The following FAM184A variants were observed in gnomAD, a reference collection of about 807,000 sequenced individuals.
The protein encoded by FAM184A is family with sequence similarity 184 member A, also known as protein FAM184A.
In FAM184A, 99 loss-of-function variants were observed where a neutral mutation model predicts 143.8. The observed-to-expected ratio is 0.69, with a 90% CI of 0.58 to 0.81. The LOEUF (loss-of-function observed/expected upper bound fraction) is 0.81, where lower values mean the gene tolerates loss of function less well. Ranked by LOEUF, FAM184A falls within the 40% of genes least tolerant of loss-of-function variation. The pLI is 0.00. For synonymous variants in FAM184A, 427 were observed against 446.4 expected (o/e 0.96, Z 0.55); for missense variants, 1,217 against 1,310.5 (o/e 0.93, Z 1.10).
In FAM184A at chr6:119,002,944, T is replaced by G. The variant is rs749994817; in HGVS notation, c.2043A>C (p.Ala681=). The G allele has an allele frequency of 3.7e-6, 6 of 1,612,714 alleles. No homozygotes were observed. In the East Asian group the frequency reaches 1.3e-4, roughly 36 times the overall value. The change falls in exon 9 of 18, where the codon GCA becomes GCC. Residue 681 remains alanine (A), a synonymous_variant. Transcript: ENST00000338891. The part of the protein sequence containing the change: ...LLQLKDREKN[A]ARDSWQKKVE... ...CTTTCTTCTGCCATGAATCTCTTGCTGCATTTTTCTCTCGATCTTTCAACT... is the reference window on the plus strand; with the variant it reads ...CTTTCTTCTGCCATGAATCTCTTGCGGCATTTTTCTCTCGATCTTTCAACT...
At chr6:118,970,008 A>ATATATATATTTTTTTTTTTTT in intron 14 of FAM184A, among the ~76,000 whole-genome samples, 1 of 19,046 alleles carries the variant, frequency 5.3e-5, no homozygotes. Context: ...ATATATATAT[A>ATATATATATTTTTTTTTTTTT]TTTTTTTTTT....
intron 1 of FAM184A, among the ~76,000 whole-genome samples, chr6:119,128,578 G>A (rs955977585): frequency 6.6e-5 from 10 of 152,124 alleles, no homozygotes; most frequent in African/African-American, 2.4e-4. Context: ...ATAAACATGA[G>A]TTACTGGAGA....
chr6:119,052,022 A>G (rs1056597994), intron 1 of FAM184A, among the ~76,000 whole-genome samples: 2 of 152,186 alleles, frequency 1.3e-5, no homozygotes, highest in Admixed American at 6.5e-5. Context: ...GCTGGGGTGC[A>G]GACTCCCTGA....
At chr6:119,097,785 C>T (rs776815957) in intron 1 of FAM184A, among the ~76,000 whole-genome samples, 4 of 152,140 alleles carry the variant, frequency 2.6e-5, no homozygotes, top group Non-Finnish European at 5.9e-5. Flanking sequence ...TCTCTCTGAC[C>T]TGCCTTCCTT....
chr6:119,099,557 C>T (rs1035233352), intron 1 of FAM184A, among the ~76,000 whole-genome samples: 1 of 152,046 alleles, frequency 6.6e-6, no homozygotes, highest in African/African-American at 2.4e-5. Flanking sequence ...AAAATTGCAC[C>T]GACAGGCCAA....
intron 1 of FAM184A, among the ~76,000 whole-genome samples, chr6:119,047,812 G>A (rs375147823): frequency 1.6e-4 from 24 of 152,076 alleles, no homozygotes; most frequent in African/African-American, 5.8e-4. Flanking sequence ...CAAAGAGCTG[G>A]TACCATTCCT....
chr6:118,989,580 T>C (rs984925013), intron 9 of FAM184A, among the ~76,000 whole-genome samples: 2 of 151,972 alleles, frequency 1.3e-5, no homozygotes, highest in African/African-American at 4.8e-5. Context: ...ATATAACTTA[T>C]TAAAGTTGCA....
intron 1 of FAM184A, among the ~76,000 whole-genome samples, chr6:119,033,325 C>T (rs1785960463): frequency 6.6e-6 from 1 of 152,146 alleles, no homozygotes; most frequent in Non-Finnish European, 1.5e-5. Flanking sequence ...AATAACAGCA[C>T]ACATTTATGC....
rs2114690974 is a variant in FAM184A at position 119,024,188 on chromosome 6, T to C, written c.785A>G (p.Glu262Gly). 1 of 1,614,246 alleles carries C rather than the reference T, an allele frequency of 6.2e-7. No homozygotes were observed. The highest frequency in any genetic ancestry group is 1.7e-5 in the Admixed American group (1 of 60,028). ...CTGTGACCTTTTCAAAGTATCAAGC[T>C]CACGTTCATAAAAGGACTGAGCTTT... Reference protein sequence around the residue: ...LNKAQSFYERELDTLKRSQLF... With the variant: ...LNKAQSFYERGLDTLKRSQLF... The change falls in exon 2 of 18, where the codon GAG becomes GGG. Residue 262 changes from glutamate (E) to glycine (G), a missense_variant. Coordinates refer to ENST00000338891, the MANE Select transcript of FAM184A (RefSeq NM_024581.6).
Position 118,961,889 on chromosome 6 carries a change from A to G in FAM184A, c.3213T>C (p.Gly1071=), listed in dbSNP as rs1438509306. 1 of 1,613,908 alleles carries G rather than the reference A, an allele frequency of 6.2e-7. No individual in the cohort carries two copies. The highest frequency in any genetic ancestry group is 8.5e-7 in the Non-Finnish European group (1 of 1,179,868). The change falls in exon 17 of 18, where the codon GGT becomes GGC. Residue 1071 remains glycine (G), a synonymous_variant. Transcript: ENST00000338891. ...SVPNLSALES[G]GVGNGHPNRL... is the part of the protein sequence containing the mutation. ...GGTTAGGATGTCCATTGCCCACTCC[A>G]CCAGATTCCAGAGCACTTAGATTGG...
rs1287697071 is a variant in FAM184A at position 119,078,338 on chromosome 6, G to A, written c.-39C>T. The A allele has an allele frequency of 7.0e-7, 1 of 1,418,992 alleles. No homozygotes were observed. The highest frequency in any genetic ancestry group is 1.5e-5 in the South Asian group (1 of 67,886). 87.9% of individuals were successfully genotyped at this position (1,418,992 alleles called of 1,614,324 possible). A position where few individuals can be genotyped will look rare whatever the true frequency, so the allele number is the denominator to read the frequency against. The stretch of plus-strand genomic sequence containing the variant: ...CCCAGCCGGGGCACCTGTCCCCGCG[G>A]GTGGAGGCAGGCCCGTGGAGCAACG... On this transcript the variant is annotated 5_prime_UTR_variant, in exon 1 of 18. Transcript: ENST00000338891. The surrounding 1 kb of genome is among the most constrained non-coding windows in gnomAD (Gnocchi z 5.5).
chr6:119,003,986 T>C (rs887882880), intron 7 of FAM184A, among the ~76,000 whole-genome samples: 1 of 152,232 alleles, frequency 6.6e-6, no homozygotes, highest in Non-Finnish European at 1.5e-5. Context: ...AGATATGTTA[T>C]TCAAATTCAC....
intron 9 of FAM184A, among the ~76,000 whole-genome samples, chr6:119,001,004 C>T (rs1784738829): frequency 6.6e-6 from 1 of 151,028 alleles, no homozygotes; most frequent in African/African-American, 2.4e-5. Flanking sequence ...CTTTAGAGCA[C>T]AGGCTCTAGA....
At chr6:119,139,427 A>T (rs1772133826) in intron 1 of FAM184A, among the ~76,000 whole-genome samples, 1 of 152,166 alleles carries the variant, frequency 6.6e-6, no homozygotes. Flanking sequence ...GGAAATCTTT[A>T]ACTGTGAGTG....
chr6:119,045,148 C>T (rs1211152452), intron 1 of FAM184A, among the ~76,000 whole-genome samples: 2 of 152,158 alleles, frequency 1.3e-5, no homozygotes, highest in Non-Finnish European at 2.9e-5. Flanking sequence ...AGTGACATTC[C>T]TTCCCTCATC....
intron 5 of FAM184A, among the ~76,000 whole-genome samples, chr6:119,014,858 A>C (rs1785190040): frequency 6.6e-6 from 1 of 152,144 alleles, no homozygotes; most frequent in Non-Finnish European, 1.5e-5. Context: ...CAGGAGTTCG[A>C]GACCAGCCTG....
intron 7 of FAM184A, among the ~76,000 whole-genome samples, chr6:119,004,813 G>A (rs952636666): frequency 2.6e-5 from 4 of 152,088 alleles, no homozygotes; most frequent in African/African-American, 9.7e-5. Context: ...GAAGTACGAT[G>A]TAAATATGAA....
Position 118,975,194 on chromosome 6 carries a change from T to C in FAM184A, c.2598A>G (p.Ile866Met), listed in dbSNP as rs1783809308. The C allele has an allele frequency of 6.3e-7, 1 of 1,591,664 alleles. No homozygotes were observed. Among genetic ancestry groups the C allele is most frequent in the Non-Finnish European group, 8.5e-7 (1 of 1,169,784 alleles). Residue 866 changes from isoleucine to methionine, a missense_variant, in exon 13 of 18, where the codon ATA (isoleucine) becomes ATG (methionine). Ile to Met is a conservative substitution (Grantham distance 10, BLOSUM62 1). Coordinates refer to ENST00000338891, the MANE Select transcript of FAM184A (RefSeq NM_024581.6). Reference protein sequence around the residue: ...DISRRQSKEHICRITDLQEEL... With the variant: ...DISRRQSKEHMCRITDLQEEL... ...CCTCTTGTAGATCTGTAATTCTACA[T>C]ATGTGCTCCTTACTCTGTTAAAAAA...
upstream of FAM184A, among the ~76,000 whole-genome samples, chr6:119,082,894 C>T (rs1237023644): frequency 1.3e-5 from 2 of 152,212 alleles, no homozygotes; most frequent in Admixed American, 6.5e-5. Flanking sequence ...TGTGTAGGGG[C>T]TTTGACCCCA....
Sources: allele counts gnomAD v4.1 joint callset (sites outside exome capture counted in the v4.1 genomes callset), GRCh38; gene constraint gnomAD v4.1.1; non-coding constraint Gnocchi (gnomAD v3.1); transcripts MANE v1.5; gene names NCBI Gene and HGNC (gene_info 2026-07-23, HGNC 2026-07-21).